Variants in MAN1C1 observed in about 807,000 individuals in gnomAD.
MAN1C1 encodes mannosidase alpha class 1C member 1.
In MAN1C1, 49 loss-of-function variants were observed where a neutral mutation model predicts 71.5. That is an observed-to-expected ratio of 0.69 (90% CI 0.54 to 0.87). The LOEUF (loss-of-function observed/expected upper bound fraction) is 0.87, where lower values mean the gene tolerates loss of function less well. MAN1C1 is among the 40% of genes least tolerant of loss of function. The pLI is 0.00. For missense variants in MAN1C1, 743 were observed against 835.0 expected, an observed-to-expected ratio of 0.89 and a Z score of 1.36; for synonymous variants, 352 against 343.7, an observed-to-expected ratio of 1.02 and a Z score of -0.27.
Position 25,780,959 on chromosome 1 carries a change from G to A in MAN1C1, c.1497G>A (p.Glu499=). The change falls in exon 10 of 12, where the codon GAG becomes GAA. Residue 499 remains glutamate (E), a synonymous_variant. Transcript: ENST00000374332. ...CCCCAGACACCAAACTTGGGCCTGAGGCCTTCTGGTTTAACTCCGGCAGAG... is the reference window on the plus strand; with the variant it reads ...CCCCAGACACCAAACTTGGGCCTGAAGCCTTCTGGTTTAACTCCGGCAGAG... ...YARSDTKLGP[E]AFWFNSGREA... 6.2e-7 allele frequency: 1 copy of A among 1,614,140 alleles called. No homozygotes were observed. The highest frequency in any genetic ancestry group is 1.1e-5 in the South Asian group (1 of 91,078).
Position 25,673,745 on chromosome 1 carries a change from C to T in MAN1C1, c.541-12695C>T, listed in dbSNP as rs540758846. On this transcript the variant is annotated intron_variant, in intron 1 of 11. Coordinates refer to ENST00000374332, the MANE Select transcript of MAN1C1 (RefSeq NM_020379.4). ...CGGCATGTGCACATGCATACAAAAG[C>T]ACTTAGCAGTGTGCATGACACAATA... Among the ~76,000 whole-genome samples the T allele has an allele frequency of 1.8e-4, 27 of 152,284 alleles. No individual in the cohort carries two copies. In the South Asian group the frequency reaches 5.6e-3, roughly 32 times the overall value.
At chr1:25,771,132 T>C (rs2124400281) in intron 7 of MAN1C1, among the ~76,000 whole-genome samples, 1 of 152,326 alleles carries the variant, frequency 6.6e-6, no homozygotes, top group African/African-American at 2.4e-5. Flanking sequence ...TCTTTCCCGC[T>C]CCTTTGAACT....
chr1:25,758,797 C>G (rs1367301977), intron 6 of MAN1C1, 88 bp downstream of exon 6: 2 of 1,177,810 alleles, frequency 1.7e-6, no homozygotes, highest in Non-Finnish European at 2.5e-6. Flanking sequence ...TGGGTCCTCC[C>G]TCATGGATCA....
At chr1:25,691,187 T>G (rs1330586078) in intron 2 of MAN1C1, among the ~76,000 whole-genome samples, 1 of 152,036 alleles carries the variant, frequency 6.6e-6, no homozygotes, top group Non-Finnish European at 1.5e-5. Context: ...CGTGGTGACA[T>G]GTGTCTATAA....
At position 25,778,255 on chromosome 1, in the gene MAN1C1, A is replaced by C; in HGVS notation, c.1408A>C (p.Lys470Gln). ...TGGCGCCGAGGATGCCAAGGAAGAA[A>C]AGAGGGCCCACTACCGAGAGCTCGC... ...ALGAEDAKEE[K>Q]RAHYRELAAQ... is the part of the protein sequence containing the mutation. The change falls in exon 9 of 12, where the codon AAG becomes CAG. Residue 470 changes from lysine to glutamine, a missense_variant. By Grantham distance (53) the Lys-to-Gln change is moderately conservative (BLOSUM62 1). Coordinates refer to ENST00000374332, the MANE Select transcript of MAN1C1 (RefSeq NM_020379.4). This position sits in a 1 kb window ranked among gnomAD's most constrained non-coding sequence, Gnocchi z 5.5. The C allele has an allele frequency of 6.2e-7, 1 of 1,614,032 alleles. No individual in the cohort carries two copies. Among genetic ancestry groups the C allele is most frequent in the Non-Finnish European group, 8.5e-7 (1 of 1,179,958 alleles).
rs184196900 is a variant in MAN1C1 at position 25,725,785 on chromosome 1, C to T, written c.638-20883C>T. Among the ~76,000 whole-genome samples, 1 of 152,322 alleles carries T rather than the reference C, an allele frequency of 6.6e-6. No individual in the cohort carries two copies. The highest frequency in any genetic ancestry group is 1.9e-4 in the East Asian group (1 of 5,180). On this transcript the variant is annotated intron_variant, in intron 2 of 11. Transcript: ENST00000374332. This position sits in a 1 kb window ranked among gnomAD's most constrained non-coding sequence, Gnocchi z 4.8. ...GAAGGCGTGTGGCATTTGAGGGAGA[C>T]TGCGCCATCTGAAAGCCGGGGGCTG...
At chr1:25,701,683 A>T (rs1421608808) in intron 2 of MAN1C1, among the ~76,000 whole-genome samples, 1 of 152,212 alleles carries the variant, frequency 6.6e-6, no homozygotes, top group Non-Finnish European at 1.5e-5. Context: ...TGTGTGTGCC[A>T]TTGATTCAAA....
At position 25,639,970 on chromosome 1, in the gene MAN1C1, C is replaced by T. The variant is rs1356860014; in HGVS notation, c.540+21633C>T. On this transcript the variant is annotated intron_variant, in intron 1 of 11. Transcript: ENST00000374332. ...CAGTTTGAATTTCAGTATATTATAACCTGTCAAATATTTTCTCTGGGCTTT... is the reference window on the plus strand; with the variant it reads ...CAGTTTGAATTTCAGTATATTATAATCTGTCAAATATTTTCTCTGGGCTTT... Among the ~76,000 whole-genome samples the T allele has an allele frequency of 3.9e-5, 6 of 152,278 alleles. No individual in the cohort carries two copies. The South Asian group carries it at 1.0e-3, about 26-fold the overall frequency.
chr1:25,643,903 G>A (rs1291608295), intron 1 of MAN1C1, among the ~76,000 whole-genome samples: 1 of 152,236 alleles, frequency 6.6e-6, no homozygotes, highest in East Asian at 1.9e-4. Flanking sequence ...GATTCATGTT[G>A]GAAATCTAGT....
chr1:25,683,864 T>C (rs908606797), intron 1 of MAN1C1, among the ~76,000 whole-genome samples: 2 of 152,190 alleles, frequency 1.3e-5, no homozygotes, highest in Admixed American at 6.5e-5. Context: ...ACGTGTGCAT[T>C]GAGGGAATGA....
chr1:25,652,431 G>A (rs1366329678), intron 1 of MAN1C1, among the ~76,000 whole-genome samples: 1 of 152,238 alleles, frequency 6.6e-6, no homozygotes, highest in Admixed American at 6.5e-5. Flanking sequence ...GTGTTCTCAA[G>A]TTCTGTTCCA....
intron 1 of MAN1C1, among the ~76,000 whole-genome samples, chr1:25,675,584 CGGG>C (rs61385512): frequency 1.9e-4 from 11 of 56,430 alleles, no homozygotes; most frequent in African/African-American, 4.9e-4. Context: ...ACTTATTTTG[CGGG>C]GGGGGGGGGA....
chr1:25,722,727 G>A (rs529909130), intron 2 of MAN1C1, among the ~76,000 whole-genome samples: 30 of 152,036 alleles, frequency 2.0e-4, no homozygotes, highest in Non-Finnish European at 3.5e-4. Context: ...TCCATCTCTC[G>A]TGTTAGGTTT....
intron 2 of MAN1C1, among the ~76,000 whole-genome samples, chr1:25,742,644 C>G (rs746969911): frequency 6.6e-6 from 1 of 152,212 alleles, no homozygotes; most frequent in African/African-American, 2.4e-5. Context: ...CCCCATTTAA[C>G]CCTCCCAGGA....
chr1:25,627,450 T>G (rs2045314731), intron 1 of MAN1C1, among the ~76,000 whole-genome samples: 1 of 152,182 alleles, frequency 6.6e-6, no homozygotes, highest in Non-Finnish European at 1.5e-5. Flanking sequence ...AATTTTTGTA[T>G]TTTTAGTAGA....
At chr1:25,768,368 TCC>T (rs1247247983) in intron 7 of MAN1C1, among the ~76,000 whole-genome samples, 1 of 32,194 alleles carries the variant, frequency 3.1e-5, no homozygotes, top group Non-Finnish European at 5.9e-5. Context: ...TTACATACAC[TCC>T]CCCCACACAC....
Position 25,618,308 on chromosome 1 carries a change from G to T in MAN1C1, c.511G>T (p.Val171Leu). 6.2e-7 allele frequency: 1 copy of T among 1,603,292 alleles called. No homozygotes were observed. The highest frequency in any genetic ancestry group is 1.3e-5 in the African/African-American group (1 of 74,756). ...ADESQEPQSQ[V>L]RAQREKIKEM... ...TGAGAGTCAGGAGCCCCAGAGCCAA[G>T]TGCGAGCCCAGCGGGAGAAAATCAA... Residue 171 changes from valine to leucine, a missense_variant, in exon 1 of 12, where the codon GTG becomes TTG. By Grantham distance (32) the Val-to-Leu change is conservative. Transcript: ENST00000374332.
chr1:25,783,061 C>T (rs2047718827), intron 11 of MAN1C1, among the ~76,000 whole-genome samples: 1 of 152,130 alleles, frequency 6.6e-6, no homozygotes, highest in Non-Finnish European at 1.5e-5. Flanking sequence ...ATTGACTTTC[C>T]CTCCTGTGGC....
chr1:25,720,994 T>C (rs1027974981), intron 2 of MAN1C1, among the ~76,000 whole-genome samples: 1 of 152,248 alleles, frequency 6.6e-6, no homozygotes, highest in Non-Finnish European at 1.5e-5. Flanking sequence ...TCAGGTATTA[T>C]TTCTGGACTC....
Sources: allele counts gnomAD v4.1 joint callset (sites outside exome capture counted in the v4.1 genomes callset), GRCh38; gene constraint gnomAD v4.1.1; non-coding constraint Gnocchi (gnomAD v3.1); transcripts MANE v1.5; gene names NCBI Gene and HGNC (gene_info 2026-07-23, HGNC 2026-07-21).